ANK3: variants seen among roughly 807,000 people sequenced by gnomAD.
ANK3 encodes the protein ankyrin-3.
ANK3 carries 57 observed loss-of-function variants against 370.9 expected under a neutral mutation model. The observed-to-expected ratio is 0.15, with a 90% confidence interval of 0.12 to 0.19. The LOEUF is 0.19. ANK3 is among the 10% of genes least tolerant of loss of function. The pLI is 1.00. For missense variants in ANK3, 4,439 were observed against 5,302.1 expected (o/e 0.84, Z 5.06); for synonymous variants, 1,929 against 1,946.3 (o/e 0.99, Z 0.23).
At chr10:60,120,361 T>TA (rs202247388) in intron 25 of ANK3, among the ~76,000 whole-genome samples, 15 of 150,602 alleles carry the variant, frequency 1.0e-4, no homozygotes, top group African/African-American at 2.0e-4. Context: ...ATGAAACTAC[T>TA]AAAAAAAAAT....
intron 43 of ANK3, 49 bp from the exon 44 acceptor site, chr10:60,029,875 CTTTTTTTTTTTTTTTT>C (rs71015756): frequency 2.9e-5 from 2 of 68,606 alleles, no homozygotes; most frequent in African/African-American, 6.6e-5. Flanking sequence ...TTTTCTTTTT[CTTTTTTTTTTTTTTTT>C]TTTTTTTTTT....
At chr10:60,139,797 G>T (rs184138186) in intron 23 of ANK3, 10 of 153,748 alleles carry the variant, frequency 6.5e-5, no homozygotes, top group African/African-American at 2.4e-4. Context: ...TCAAGACAAA[G>T]AGTTAATTAT....
At chr10:60,260,380 T>G (rs1397139555) in intron 7 of ANK3, among the ~76,000 whole-genome samples, 2 of 152,262 alleles carry the variant, frequency 1.3e-5, no homozygotes, top group Non-Finnish European at 2.9e-5. Flanking sequence ...TTATTTTTAC[T>G]GCTGATGCAA....
At chr10:60,125,154 G>A (rs1003967837) in intron 25 of ANK3, among the ~76,000 whole-genome samples, 1 of 152,018 alleles carries the variant, frequency 6.6e-6, no homozygotes, top group African/African-American at 2.4e-5. Flanking sequence ...GAAAAAGCAG[G>A]TCTTTTTTCC....
chr10:60,088,023 A>G (rs2087138105), intron 29 of ANK3, 124 bp downstream of exon 29: 1 of 756,186 alleles, frequency 1.3e-6, no homozygotes, highest in African/African-American at 1.7e-5. Flanking sequence ...AAATAGGTAA[A>G]TGATTCCCCA....
chr10:60,360,335 T>TA (rs945824424), intron 1 of ANK3, among the ~76,000 whole-genome samples: 2 of 152,332 alleles, frequency 1.3e-5, no homozygotes, highest in African/African-American at 4.8e-5. Context: ...TCAAGAAACT[T>TA]ACAGTGGGAC....
At chr10:60,104,454 G>A (rs1050480973) in intron 28 of ANK3, among the ~76,000 whole-genome samples, 1 of 146,998 alleles carries the variant, frequency 6.8e-6, no homozygotes, top group African/African-American at 2.5e-5. Flanking sequence ...TTGGACCCCA[G>A]CCTTACTACT....
At chr10:60,122,680 G>A (rs1479995392) in intron 25 of ANK3, among the ~76,000 whole-genome samples, 1 of 152,208 alleles carries the variant, frequency 6.6e-6, no homozygotes, top group African/African-American at 2.4e-5. Flanking sequence ...CCAATGCAGT[G>A]CTGGTGTTGG....
At chr10:60,504,966 T>A (rs1404682411) in intron 2 of ANK3, among the ~76,000 whole-genome samples, 1 of 151,988 alleles carries the variant, frequency 6.6e-6, no homozygotes, top group African/African-American at 2.4e-5. Context: ...TATGAAGGGA[T>A]CATTATAACT....
At chr10:60,420,460 GCA>G (rs376926987) in intron 2 of ANK3, among the ~76,000 whole-genome samples, 11 of 152,102 alleles carry the variant, frequency 7.2e-5, no homozygotes, top group African/African-American at 2.6e-4. Flanking sequence ...AGGCCTTTTG[GCA>G]CAGTCTTTCC....
At chr10:60,709,945 T>A (rs1024938343) in intron 1 of ANK3, among the ~76,000 whole-genome samples, 1 of 152,186 alleles carries the variant, frequency 6.6e-6, no homozygotes. Flanking sequence ...AGATGAATCA[T>A]CTGTCTGAAA....
At chr10:60,113,345 C>G (rs536883129) in intron 26 of ANK3, among the ~76,000 whole-genome samples, 2 of 152,252 alleles carry the variant, frequency 1.3e-5, no homozygotes, top group East Asian at 3.9e-4. Flanking sequence ...TCACACAAAT[C>G]ATTTATCAAA....
At chr10:60,246,035 T>C (rs1469259250) in intron 7 of ANK3, among the ~76,000 whole-genome samples, 1 of 151,970 alleles carries the variant, frequency 6.6e-6, no homozygotes, top group African/African-American at 2.4e-5. Context: ...GTAGATGGAT[T>C]ACTTGAGGCC....
At chr10:60,480,718 A>T (rs1484633077) in intron 2 of ANK3, among the ~76,000 whole-genome samples, 2 of 152,208 alleles carry the variant, frequency 1.3e-5, no homozygotes, top group Non-Finnish European at 2.9e-5. Context: ...GTTATTCACT[A>T]CTTTTGGTAG....
intron 1 of ANK3, among the ~76,000 whole-genome samples, chr10:60,353,203 G>A (rs1262671009): frequency 6.7e-6 from 1 of 148,384 alleles, no homozygotes; most frequent in African/African-American, 2.5e-5. Context: ...ATGTTGCGCA[G>A]GCTGGTCTCA....
At chr10:60,405,923 A>G (rs2063446620) in intron 2 of ANK3, among the ~76,000 whole-genome samples, 1 of 152,180 alleles carries the variant, frequency 6.6e-6, no homozygotes, top group South Asian at 2.1e-4. Context: ...TGTTGGGAGA[A>G]AAAGCAACCA....
chr10:60,355,770 TAGTC>T (rs1385941764), intron 1 of ANK3, among the ~76,000 whole-genome samples: 2 of 152,168 alleles, frequency 1.3e-5, no homozygotes, highest in South Asian at 2.1e-4. Flanking sequence ...TGCCTACAAT[TAGTC>T]AGTCGTATTT....
chr10:60,031,719 C>T (rs1293855260), intron 43 of ANK3, among the ~76,000 whole-genome samples: 1 of 152,176 alleles, frequency 6.6e-6, no homozygotes, highest in East Asian at 1.9e-4. Flanking sequence ...AGACAAGTAT[C>T]TTCCTCTTTA....
At chr10:60,591,113 C>T (rs956672363) in intron 2 of ANK3, among the ~76,000 whole-genome samples, 1 of 151,936 alleles carries the variant, frequency 6.6e-6, no homozygotes, top group Non-Finnish European at 1.5e-5. Context: ...CTGGGGTTGG[C>T]GTCCAGCAGC....
Sources: gnomAD v4.1 joint callset for allele counts (sites outside exome capture counted in the v4.1 genomes callset) on GRCh38, gnomAD v4.1.1 for gene constraint, MANE v1.5 for transcripts, NCBI Gene and HGNC (gene_info 2026-07-23, HGNC 2026-07-21) for gene names.